ASAH2: variants seen among roughly 807,000 people sequenced by gnomAD.
ASAH2 encodes neutral ceramidase.
In ASAH2, 58 loss-of-function variants were observed where a neutral mutation model predicts 82.9. That is an observed-to-expected ratio of 0.70 (90% CI 0.57 to 0.87). ASAH2 has a LOEUF of 0.87. Ranked by LOEUF, ASAH2 falls within the 40% of genes least tolerant of loss-of-function variation. ASAH2 has a pLI of 0.00. For missense variants in ASAH2, 779 were observed against 834.0 expected, an observed-to-expected ratio of 0.93 and a Z score of 0.81; for synonymous variants, 276 against 289.7, an observed-to-expected ratio of 0.95 and a Z score of 0.48.
chr10:50,205,102 C>T, intron 13 of ASAH2, 147 bp from the exon 14 acceptor site: 2 of 588,206 alleles, frequency 3.4e-6, no homozygotes, highest in Non-Finnish European at 6.0e-6. Context: ...CTAGTCATAA[C>T]ATGAGAATTT....
intron 18 of ASAH2, among the ~76,000 whole-genome samples, chr10:50,193,562 G>A: frequency 6.6e-6 from 1 of 151,562 alleles, no homozygotes; most frequent in Non-Finnish European, 1.5e-5. Flanking sequence ...GTTGTGACAA[G>A]ATTCTGTTCC....
intron 2 of ASAH2, 83 bp from the exon 3 acceptor site, chr10:50,245,537 A>T: frequency 8.3e-7 from 1 of 1,207,972 alleles, no homozygotes; most frequent in Non-Finnish European, 1.2e-6. Flanking sequence ...ATATAGGCTC[A>T]GGTTCATAAG....
At chr10:50,197,869 T>C (rs1479647952) in intron 17 of ASAH2, among the ~76,000 whole-genome samples, 1 of 151,900 alleles carries the variant, frequency 6.6e-6, no homozygotes, top group Non-Finnish European at 1.5e-5. Flanking sequence ...GGATGGATTA[T>C]AGTTTTATGC....
At chr10:50,202,056 A>C (rs1196010296) in intron 16 of ASAH2, among the ~76,000 whole-genome samples, 3 of 152,116 alleles carry the variant, frequency 2.0e-5, no homozygotes, top group African/African-American at 7.2e-5. Flanking sequence ...CTTCCTATCC[A>C]AGTTTAGCAT....
rs1330474852 is a variant in ASAH2 at position 50,185,836 on chromosome 10, T to G, written c.*1479A>C. On this transcript the variant is annotated 3_prime_UTR_variant, in exon 21 of 21. Transcript: ENST00000682911. ...ATACTACCATTATGAATATTGTTAT[T>G]ATTTTCAAACCTCAAAGTTTATTTT... is the stretch of plus-strand genomic sequence containing the variant. 2 of 144,538 alleles carry G rather than the reference T, an allele frequency of 1.4e-5. No individual in the cohort carries two copies. The highest frequency in any genetic ancestry group is 5.3e-5 in the African/African-American group (2 of 37,538). 9.0% of individuals were successfully genotyped at this position (144,538 alleles called of 1,614,324 possible). A position where few individuals can be genotyped will look rare whatever the true frequency, so the allele number is the denominator to read the frequency against.
chr10:50,234,335 C>T, intron 6 of ASAH2, 90 bp downstream of exon 6: 1 of 1,562,840 alleles, frequency 6.4e-7, no homozygotes, highest in East Asian at 2.2e-5. Context: ...GGGACCTCAC[C>T]ATATTCATCA....
intron 18 of ASAH2, among the ~76,000 whole-genome samples, chr10:50,196,088 T>C (rs1844972574): frequency 6.6e-6 from 1 of 151,992 alleles, no homozygotes; most frequent in East Asian, 1.9e-4. Context: ...ATAATGTATA[T>C]GTTAATTAGC....
At chr10:50,235,138 T>G (rs1846123674) in intron 5 of ASAH2, among the ~76,000 whole-genome samples, 1 of 152,132 alleles carries the variant, frequency 6.6e-6, no homozygotes, top group Non-Finnish European at 1.5e-5. Context: ...TTATGTAATG[T>G]TTTTTGCAAT....
rs750509101 is a variant in ASAH2 at position 50,243,247 on chromosome 10, A to C, written c.465T>G (p.Phe155Leu). ...ATACCATGCCTATGTCGATGCTGAC[A>C]AACACTGTTCGATTGGACCCATCAG... ...AEPDGSNRTVFVSIDIGMVSQ... is the reference protein window; with the variant it reads ...AEPDGSNRTVLVSIDIGMVSQ... The change falls in exon 4 of 21, where the codon TTT becomes TTG. Residue 155 changes from phenylalanine (F) to leucine (L), a missense_variant. By Grantham distance (22) the Phe-to-Leu change is conservative. Around this residue, in one of 3 missense-constraint regions of ASAH2, gnomAD observed 759 missense variants for 755.2 expected, o/e 1.00. Coordinates refer to ENST00000682911, the MANE Select transcript of ASAH2 (RefSeq NM_019893.4). 3 of 1,614,144 alleles carry C rather than the reference A, an allele frequency of 1.9e-6. No homozygotes were observed. In the Admixed American group the frequency reaches 5.0e-5, roughly 27 times the overall value.
chr10:50,227,043 G>C (rs1183862460), intron 7 of ASAH2, among the ~76,000 whole-genome samples: 11 of 152,054 alleles, frequency 7.2e-5, no homozygotes, highest in African/African-American at 2.7e-4. Flanking sequence ...GAGACAAATA[G>C]CACAAAGTGA....
chr10:50,247,731 C>G (rs1370239266), intron 2 of ASAH2, among the ~76,000 whole-genome samples: 2 of 152,176 alleles, frequency 1.3e-5, no homozygotes, highest in African/African-American at 4.8e-5. Context: ...ACTCATTTAA[C>G]AGTTATGTAA....
At chr10:50,195,596 A>G (rs1352190295) in intron 18 of ASAH2, among the ~76,000 whole-genome samples, 2 of 151,646 alleles carry the variant, frequency 1.3e-5, no homozygotes, top group African/African-American at 4.8e-5. Context: ...GTGAACTCCC[A>G]TGTTTATTGC....
In ASAH2 at chr10:50,234,520, T is replaced by C; in HGVS notation, c.720A>G (p.Pro240=). The change falls in exon 6 of 21, where the codon CCA becomes CCG. Residue 240 remains proline (P), a synonymous_variant. Transcript: ENST00000682911. ...SIDIAHTNMK[P]GKIFINKGNV... ...TTCCTTTATTGATGAAGATTTTGCCTGGTTTCATATTTGTGTGTGCTATGT... is the reference window on the plus strand; with the variant it reads ...TTCCTTTATTGATGAAGATTTTGCCCGGTTTCATATTTGTGTGTGCTATGT... The C allele has an allele frequency of 6.2e-7, 1 of 1,613,028 alleles. No individual in the cohort carries two copies. Among genetic ancestry groups the C allele is most frequent in the Admixed American group, 1.7e-5 (1 of 59,938 alleles).
At chr10:50,194,562 A>G (rs377645342) in intron 18 of ASAH2, among the ~76,000 whole-genome samples, 30,064 of 149,108 alleles carry the variant, frequency 0.2, 3,686 homozygotes, top group East Asian at 0.38. Flanking sequence ...TGGAAACAAG[A>G]CAAGAGTGTC....
chr10:50,233,573 T>C (rs1846068938), intron 6 of ASAH2, among the ~76,000 whole-genome samples: 1 of 152,158 alleles, frequency 6.6e-6, no homozygotes. Context: ...TTGAAATTTC[T>C]ACTCATATCA....
Position 50,243,367 on chromosome 10 carries a change from C to A in ASAH2, c.361-16G>T, listed in dbSNP as rs1564851937. ...CATAGCCCATCTAAAGAGGAAGAGA[C>A]AATCAGAGCTGCTCTGTCTCATTCC... On this transcript the variant is annotated splice_polypyrimidine_tract_variant and intron_variant, in intron 3 of 20. Transcript: ENST00000682911. 6.2e-7 allele frequency: 1 copy of A among 1,613,468 alleles called. No homozygotes were observed. The highest frequency in any genetic ancestry group is 2.2e-5 in the East Asian group (1 of 44,882).
intron 13 of ASAH2, among the ~76,000 whole-genome samples, chr10:50,205,369 C>T (rs1033927019): frequency 4.9e-4 from 75 of 152,060 alleles, no homozygotes; most frequent in African/African-American, 1.7e-3. Context: ...GAGAATTTAA[C>T]CCTTTCCTTA....
At chr10:50,202,793 A>T (rs1845188156) in intron 16 of ASAH2, 36 bp downstream of exon 16, 1 of 1,317,984 alleles carries the variant, frequency 7.6e-7, no homozygotes, top group East Asian at 2.3e-5. Flanking sequence ...TTACTGGGGT[A>T]TAATTCATTT....
intron 9 of ASAH2, among the ~76,000 whole-genome samples, chr10:50,213,635 G>C (rs924154687): frequency 3.9e-5 from 6 of 152,190 alleles, no homozygotes; most frequent in Non-Finnish European, 7.4e-5. Flanking sequence ...GGTGTGGGCA[G>C]ACCCTCCTGA....
Sources: gnomAD v4.1 joint callset for allele counts (sites outside exome capture counted in the v4.1 genomes callset) on GRCh38, gnomAD v4.1.1 for gene constraint, gnomAD v4.1.1 regional missense constraint, MANE v1.5 for transcripts, NCBI Gene and HGNC (gene_info 2026-07-23, HGNC 2026-07-21) for gene names.